HGFAC: variants seen among roughly 807,000 people sequenced by gnomAD.
HGFAC encodes the protein hepatocyte growth factor activator serine protease.
HGFAC carries 76 observed loss-of-function variants against 70.6 expected under a neutral mutation model. The observed-to-expected ratio is 1.08, with a 90% CI of 0.89 to 1.30. The LOEUF is 1.30. HGFAC is among the 50% of genes most tolerant of loss of function. The probability of loss-of-function intolerance (pLI) is 0.00; values close to 1 mark genes in which losing one functional copy is unlikely to be tolerated. For missense variants in HGFAC, 1,044 were observed against 933.7 expected, an observed-to-expected ratio of 1.12 and a Z score of -1.54; for synonymous variants, 464 against 405.3, an observed-to-expected ratio of 1.14 and a Z score of -1.74.
rs747788223 is a variant in HGFAC at position 3,442,105 on chromosome 4, C to T, written c.104C>T (p.Pro35Leu). The T allele has an allele frequency of 6.4e-7, 1 of 1,560,744 alleles. No homozygotes were observed. The change falls in exon 1 of 14, where the codon CCC (proline) becomes CTC (leucine). Residue 35 changes from proline (P) to leucine (L), a missense_variant. Coordinates refer to ENST00000382774, the MANE Select transcript of HGFAC (RefSeq NM_001528.4). ...LLLLLPRGFQ[P>L]QPGGNRTESP... ...CTGCTGCTGCCACGGGGGTTCCAGC[C>T]CCAGCCTGGCGGGGTGAGCACTGAC...
rs1261086594 is a variant in HGFAC at position 3,447,875 on chromosome 4, C to T, written c.1496-20C>T. On this transcript the variant is annotated intron_variant, in intron 11 of 13. Transcript: ENST00000382774. The stretch of plus-strand genomic sequence containing the variant: ...TCAGCCCGCACACCACAGGCTGACC[C>T]TGGCCACTCTTCTGATCAGTCCTGA... 3 of 1,606,146 alleles carry T rather than the reference C, an allele frequency of 1.9e-6. No homozygotes were observed. The highest frequency in any genetic ancestry group is 2.6e-6 in the Non-Finnish European group (3 of 1,175,432).
chr4:3,445,162 C>T, intron 8 of HGFAC, 103 bp from the exon 9 acceptor site: 2 of 1,297,544 alleles, frequency 1.5e-6, no homozygotes, highest in Non-Finnish European at 2.2e-6. Context: ...TCCCACTGCT[C>T]CAGGTGCGGG....
intron 5 of HGFAC, 25 bp downstream of exon 5, chr4:3,444,186 A>G (rs745902639): frequency 2.5e-6 from 4 of 1,576,400 alleles, no homozygotes; most frequent in Admixed American, 3.7e-5. Flanking sequence ...GGAGGTCCGC[A>G]GGGGTCCAGG....
At position 3,442,046 on chromosome 4, in the gene HGFAC, G is replaced by C; in HGVS notation, c.45G>C (p.Gly15=). 7 of 1,541,834 alleles carry C rather than the reference G, an allele frequency of 4.5e-6. No individual in the cohort carries two copies. Among genetic ancestry groups the C allele is most frequent in the Non-Finnish European group, 6.0e-6 (7 of 1,159,114 alleles). ...TCCCCAGCCCCTGGCCCCCACCGGGGCTGGGCCCCTTCCTCCTCCTCCTCC... is the reference window on the plus strand; with the variant it reads ...TCCCCAGCCCCTGGCCCCCACCGGGCCTGGGCCCCTTCCTCCTCCTCCTCC... ...AWVPSPWPPP[G]LGPFLLLLLL... Residue 15 remains glycine (G), a synonymous_variant, in exon 1 of 14, where the codon GGG becomes GGC. Transcript: ENST00000382774.
rs767433714 is a variant in HGFAC, at chr4:3,445,313, C to T, written c.1065C>T (p.Ser355=). Residue 355 remains serine (S), a synonymous_variant, in exon 9 of 14, where the codon AGC becomes AGT. Coordinates refer to ENST00000382774, the MANE Select transcript of HGFAC (RefSeq NM_001528.4). The part of the protein sequence containing the change: ...ERPWCYVVKD[S]ALSWEYCRLE... Reference sequence around the variant, plus strand: ...CCTGGTGCTACGTGGTGAAGGACAGCGCGCTCTCCTGGGAGTACTGCCGCC... The same window carrying T: ...CCTGGTGCTACGTGGTGAAGGACAGTGCGCTCTCCTGGGAGTACTGCCGCC... The T allele has an allele frequency of 6.3e-6, 10 of 1,588,442 alleles. No homozygotes were observed. The highest frequency in any genetic ancestry group is 4.6e-5 in the East Asian group (2 of 43,226).
At position 3,444,866 on chromosome 4, in the gene HGFAC, G is replaced by T. The variant is rs534595424; in HGVS notation, c.889G>T (p.Val297Leu). The stretch of plus-strand genomic sequence containing the variant: ...GGGGAACGGCACTGGGTACCGTGGC[G>T]TGGCCAGCACCTCAGCCTCGGGCCT... ...FLGNGTGYRG[V>L]ASTSASGLSC... The change falls in exon 8 of 14, where the codon GTG becomes TTG. Residue 297 changes from valine to leucine, a missense_variant. Val to Leu is a conservative substitution (Grantham distance 32). Coordinates refer to ENST00000382774, the MANE Select transcript of HGFAC (RefSeq NM_001528.4). The T allele has an allele frequency of 4.4e-6, 7 of 1,606,238 alleles. No individual in the cohort carries two copies. The East Asian group carries it at 1.1e-4, about 26-fold the overall frequency.
At chr4:3,441,084 G>C (rs1045573678), upstream of HGFAC, among the ~76,000 whole-genome samples, 6 of 152,124 alleles carry the variant, frequency 3.9e-5, no homozygotes, top group African/African-American at 1.2e-4. The surrounding 1 kb of genome is among the most constrained non-coding windows in gnomAD (Gnocchi z 6.0). Context: ...CCGAGGTGCC[G>C]TAGCGGCTGC....
At chr4:3,442,174 C>A in intron 1 of HGFAC, 56 bp downstream of exon 1, 1 of 1,386,688 alleles carries the variant, frequency 7.2e-7, no homozygotes, top group Non-Finnish European at 9.8e-7. Context: ...TACTTGGGGT[C>A]CTTGGGAGGA....
chr4:3,444,902 G>T lies in HGFAC; in HGVS notation c.925G>T (p.Ala309Ser). The change falls in exon 8 of 14, where the codon GCC becomes TCC. Residue 309 changes from alanine to serine, a missense_variant. Physicochemically the swap from Ala to Ser is moderately conservative, Grantham distance 99 (BLOSUM62 1). Coordinates refer to ENST00000382774, the MANE Select transcript of HGFAC (RefSeq NM_001528.4). ...STSASGLSCLAWNSDLLYQEL... is the reference protein window; with the variant it reads ...STSASGLSCLSWNSDLLYQEL... ...CTCAGCCTCGGGCCTCAGCTGCCTG[G>T]CCTGGAACTCCGATCTGCTCTACCA... The T allele has an allele frequency of 1.2e-6, 2 of 1,609,418 alleles. No individual in the cohort carries two copies. The highest frequency in any genetic ancestry group is 1.7e-6 in the Non-Finnish European group (2 of 1,178,658).
chr4:3,443,449 G>A lies in HGFAC; in HGVS notation c.475+29G>A, dbSNP rs189559165. ...GGTGCTGGGTTGGGTAGCCTGGGGC[G>A]GGCAGGGGGCACTGGGCCAGGCCAG... On this transcript the variant is annotated intron_variant, in intron 4 of 13. Transcript: ENST00000382774. The A allele has an allele frequency of 2.4e-4, 335 of 1,377,540 alleles. 4 individuals carry two copies. In the South Asian group the frequency reaches 3.7e-3, roughly 15 times the overall value. The allele number at this position is 1,377,540 out of a possible 1,614,324, so 85.3% of individuals were successfully genotyped here. A position where few individuals can be genotyped will look rare whatever the true frequency, so the allele number is the denominator to read the frequency against.
At chr4:3,445,796 G>A in intron 9 of HGFAC, 6 of 1,347,704 alleles carry the variant, frequency 4.5e-6, no homozygotes, top group South Asian at 1.3e-5. Context: ...GCTGCTGAGG[G>A]GGCCACAAAG....
At chr4:3,445,584 C>T (rs6813378) in intron 9 of HGFAC, 80,625 of 604,262 alleles carry the variant, frequency 0.13, 7,038 homozygotes, top group South Asian at 0.29. Context: ...CGGGGTGGCA[C>T]CTGCCCAGCC....
intron 4 of HGFAC, 43 bp downstream of exon 4, chr4:3,443,463 G>A: frequency 1.6e-6 from 2 of 1,289,326 alleles, no homozygotes; most frequent in East Asian, 2.9e-5. Context: ...AGGGGGCACT[G>A]GGCCAGGCCA....
chr4:3,444,305 C>T lies in HGFAC; in HGVS notation c.599-6C>T, dbSNP rs550921879. ...AGGGTGTGAGGGCTTACTGTGCACC[C>T]CTCAGAGAAATGCTTTGATGAGACC... On this transcript the variant is annotated splice_polypyrimidine_tract_variant and splice_region_variant and intron_variant, in intron 5 of 13. Coordinates refer to ENST00000382774, the MANE Select transcript of HGFAC (RefSeq NM_001528.4). 9.0e-4 allele frequency: 1,419 copies of T among 1,585,146 alleles called. 30 individuals carry two copies. In the South Asian group the frequency reaches 9.8e-3, roughly 11 times the overall value.
intron 6 of HGFAC, 61 bp downstream of exon 6, chr4:3,444,503 A>C: frequency 6.6e-7 from 1 of 1,525,652 alleles, no homozygotes; most frequent in Admixed American, 2.0e-5. Context: ...TCCACACCCG[A>C]GTGGGAGGAA....
At position 3,449,414 on chromosome 4, in the gene HGFAC, T is replaced by G. The variant is rs779706121; in HGVS notation, c.1963T>G (p.Ser655Ala). 3 of 1,542,884 alleles carry G rather than the reference T, an allele frequency of 1.9e-6. No homozygotes were observed. Among genetic ancestry groups the G allele is most frequent in the Non-Finnish European group, 2.6e-6 (3 of 1,142,276 alleles). ...GCCTCCCAGGCGGCTTGTGGCTCCC[T>G]CCTGACCCTCCAGCGGGACACCCTG... ...IRPPRRLVAP[S>A] Residue 655 changes from serine (S) to alanine (A), a missense_variant, in exon 14 of 14, where the codon TCC becomes GCC. Coordinates refer to ENST00000382774, the MANE Select transcript of HGFAC (RefSeq NM_001528.4).
Position 3,443,932 on chromosome 4 carries a change from A to G in HGFAC, c.476-107A>G, listed in dbSNP as rs2109295804. On this transcript the variant is annotated intron_variant, in intron 4 of 13. Coordinates refer to ENST00000382774, the MANE Select transcript of HGFAC (RefSeq NM_001528.4). ...GCGTAGAGAGGGCCCCTTTGCTCTC[A>G]GAGCCCCTCACTGGGGCCTGATGGA... The G allele has an allele frequency of 1.7e-5, 22 of 1,270,426 alleles. 2 individuals are homozygous for G. In the South Asian group the frequency reaches 3.1e-4, roughly 18 times the overall value. 78.7% of individuals were successfully genotyped at this position (1,270,426 alleles called of 1,614,324 possible).
chr4:3,446,420 C>T, intron 10 of HGFAC, 126 bp downstream of exon 10: 16 of 1,223,698 alleles, frequency 1.3e-5, no homozygotes, highest in Non-Finnish European at 1.7e-5. Context: ...TTCCCGGGGT[C>T]CCCGGTAACC....
intron 9 of HGFAC, chr4:3,445,721 G>A: frequency 2.7e-6 from 2 of 739,724 alleles, no homozygotes; most frequent in South Asian, 1.8e-5. Flanking sequence ...GGACCCCGGC[G>A]GGGCCAGCCC....
Sources: allele counts gnomAD v4.1 joint callset (sites outside exome capture counted in the v4.1 genomes callset), GRCh38; gene constraint gnomAD v4.1.1; non-coding constraint Gnocchi (gnomAD v3.1); transcripts MANE v1.5; gene names NCBI Gene and HGNC (gene_info 2026-07-23, HGNC 2026-07-21).